PMPCB: variants seen among roughly 807,000 people sequenced by gnomAD.
The protein encoded by PMPCB is mitochondrial-processing peptidase subunit beta.
In PMPCB, 46 loss-of-function variants were observed where a neutral mutation model predicts 61.5. The ratio of observed to expected loss-of-function variants is 0.75; its 90% CI spans 0.59 to 0.96. PMPCB has a LOEUF of 0.96. Among genes scored for constraint, PMPCB ranks in the 40% least tolerant of loss-of-function variants. The pLI is 0.00. For missense variants in PMPCB, 590 were observed against 602.4 expected (o/e 0.98, Z 0.22); for synonymous variants, 191 against 201.6 (o/e 0.95, Z 0.44).
chr7:103,313,505 G>C lies in PMPCB; in HGVS notation c.*1234G>C. On this transcript the variant is annotated 3_prime_UTR_variant, in exon 13 of 13. Transcript: ENST00000249269. ...ACTTCCTTACAGAATAGGTAAAAGA[G>C]CTTCCTCACAGTTAAACTTTTGCTG... 1.0e-5 allele frequency: 10 copies of C among 984,948 alleles called. No homozygotes were observed. The highest frequency in any genetic ancestry group is 1.1e-5 in the Non-Finnish European group (9 of 829,540). The allele number at this position is 984,948 out of a possible 1,614,324, so 61.0% of individuals were successfully genotyped here. A position where few individuals can be genotyped will look rare whatever the true frequency, so the allele number is the denominator to read the frequency against.
intron 12 of PMPCB, chr7:103,323,761 C>T: frequency 2.1e-6 from 2 of 944,996 alleles, no homozygotes; most frequent in South Asian, 2.1e-5. Context: ...GATACCTTTC[C>T]TTCCCTTCTA....
chr7:103,313,048 G>A lies in PMPCB; in HGVS notation c.*777G>A. On this transcript the variant is annotated 3_prime_UTR_variant, in exon 13 of 13. Transcript: ENST00000249269. ...TTTACTGGGTATGTTTTCAAAGCTT[G>A]TTCCAAAAGCTTCTGTTCTTCTGTT... 1 of 1,613,890 alleles carries A rather than the reference G, an allele frequency of 6.2e-7. No individual in the cohort carries two copies. Among genetic ancestry groups the A allele is most frequent in the Non-Finnish European group, 8.5e-7 (1 of 1,179,918 alleles).
intron 12 of PMPCB, chr7:103,327,747 T>C: frequency 6.2e-7 from 1 of 1,610,268 alleles, no homozygotes; most frequent in South Asian, 1.1e-5. Flanking sequence ...TTAAAACCAT[T>C]GCTTTATCTA....
chr7:103,326,753 T>C (rs1404931838), intron 12 of PMPCB: 6 of 1,437,150 alleles, frequency 4.2e-6, no homozygotes, highest in Non-Finnish European at 5.6e-6. Flanking sequence ...AAAACAAGTA[T>C]TTCCCTCCTT....
At chr7:103,297,741 C>T (rs1336314318) in intron 1 of PMPCB, 183 bp downstream of exon 1, 2 of 1,534,042 alleles carry the variant, frequency 1.3e-6, no homozygotes, top group South Asian at 1.2e-5. Flanking sequence ...TGTGGCCACC[C>T]GCCAGGAGAC....
chr7:103,332,252 G>T (rs547847514), downstream of PMPCB, among the ~76,000 whole-genome samples: 1 of 152,124 alleles, frequency 6.6e-6, no homozygotes, highest in African/African-American at 2.4e-5. Flanking sequence ...TGATCCGCCC[G>T]CCTTGGCCTC....
intron 12 of PMPCB, chr7:103,319,938 G>A (rs1282324183): frequency 2.9e-6 from 4 of 1,376,262 alleles, no homozygotes; most frequent in Non-Finnish European, 2.0e-6. Flanking sequence ...GGGAGGCTGA[G>A]GCAGGAGAAT....
rs1369398382 is a variant in PMPCB, at chr7:103,304,436, G to T, written c.682G>T (p.Asp228Tyr). ...ATCTATAAGTCGTAAGGACTTAGTG[G>T]ATTATATAACCACACATTATAAGGG... is the stretch of plus-strand genomic sequence containing the variant. ...IKSISRKDLV[D>Y]YITTHYKGPR... is the part of the protein sequence containing the mutation. Residue 228 changes from aspartate (D) to tyrosine (Y), a missense_variant, in exon 6 of 13, where the codon GAT (aspartate) becomes TAT (tyrosine). By Grantham distance (160) the Asp-to-Tyr change is radical. Coordinates refer to ENST00000249269, the MANE Select transcript of PMPCB (RefSeq NM_004279.3). 1 of 1,603,770 alleles carries T rather than the reference G, an allele frequency of 6.2e-7. No homozygotes were observed. The highest frequency in any genetic ancestry group is 1.7e-5 in the Admixed American group (1 of 59,992).
chr7:103,326,461 C>T, intron 12 of PMPCB: 1 of 1,350,742 alleles, frequency 7.4e-7, no homozygotes, highest in Non-Finnish European at 1.0e-6. Flanking sequence ...AAACTATTAT[C>T]AGAGGGAAAG....
At chr7:103,344,684 G>A in the PMPCB span, 15 of 1,558,784 alleles carry the variant, frequency 9.6e-6, no homozygotes, top group Non-Finnish European at 2.6e-6. Context: ...GGGCGCTTAG[G>A]GTCCCCTCCA....
At chr7:103,303,641 G>T (rs1817505473) in intron 4 of PMPCB, among the ~76,000 whole-genome samples, 1 of 151,952 alleles carries the variant, frequency 6.6e-6, no homozygotes, top group Non-Finnish European at 1.5e-5. Flanking sequence ...TTTCCCCAAG[G>T]AAAAAATCTT....
chr7:103,342,308 C>CTTT, the PMPCB span, among the ~76,000 whole-genome samples: 1 of 143,104 alleles, frequency 7.0e-6, no homozygotes, highest in African/African-American at 2.5e-5. Context: ...TATTTTTTTA[C>CTTT]TTTTTTTTTT....
chr7:103,324,447 A>G lies in PMPCB; in HGVS notation c.*1432-4484A>G, dbSNP rs571657490. 23 of 1,431,612 alleles carry G rather than the reference A, an allele frequency of 1.6e-5. No individual in the cohort carries two copies. In the African/African-American group the frequency reaches 3.0e-4, roughly 18 times the overall value. The allele number at this position is 1,431,612 out of a possible 1,614,324, so 88.7% of individuals were successfully genotyped here. A position where few individuals can be genotyped will look rare whatever the true frequency, so the allele number is the denominator to read the frequency against. ...TTATTGAATACTTTTCCTTTTAAAAAATGACAGCATCATACAAACAGTATA... is the reference window on the plus strand; with the variant it reads ...TTATTGAATACTTTTCCTTTTAAAAGATGACAGCATCATACAAACAGTATA... On this transcript the variant is annotated intron_variant and NMD_transcript_variant, in intron 12 of 12. Coordinates refer to the PMPCB transcript ENST00000444457.
chr7:103,341,703 A>G, the PMPCB span: 1 of 1,347,778 alleles, frequency 7.4e-7, no homozygotes, highest in Non-Finnish European at 1.0e-6. Flanking sequence ...GAAAACTCAT[A>G]AGAAAATTGT....
In PMPCB at chr7:103,299,439, TA is replaced by T. The variant is rs775115018; in HGVS notation, c.241-2del. 1 of 1,567,554 alleles carries T rather than the reference TA, an allele frequency of 6.4e-7. No individual in the cohort carries two copies. ...TTATTTAATTGTTCTTTGATTGCAT[TA>T]AGGTTGGACTCTGGATTGATGCTGG... On this transcript the variant is annotated splice_polypyrimidine_tract_variant and splice_region_variant and intron_variant, in intron 2 of 12. Coordinates refer to ENST00000249269, the MANE Select transcript of PMPCB (RefSeq NM_004279.3).
chr7:103,311,701 A>G lies in PMPCB; in HGVS notation c.1213A>G (p.Lys405Glu). ...SEVARARNLL[K>E]TNMLLQLDGS... ...GGTTGCACGAGCCAGAAATCTTCTG[A>G]AAACAAACATGTTGTTGCAGCTTGA... is the stretch of plus-strand genomic sequence containing the variant. The change falls in exon 10 of 13, where the codon AAA becomes GAA. Residue 405 changes from lysine to glutamate, a missense_variant. Transcript: ENST00000249269. 6.2e-7 allele frequency: 1 copy of G among 1,614,022 alleles called. No homozygotes were observed. Among genetic ancestry groups the G allele is most frequent in the Non-Finnish European group, 8.5e-7 (1 of 1,179,872 alleles).
At chr7:103,320,760 CACAT>C in intron 12 of PMPCB, 2 of 89,314 alleles carry the variant, frequency 2.2e-5, no homozygotes, top group Non-Finnish European at 4.2e-5. Flanking sequence ...TATATATATA[CACAT>C]ATATATATAT....
intron 12 of PMPCB, among the ~76,000 whole-genome samples, chr7:103,328,539 A>T (rs1197717021): frequency 6.6e-6 from 1 of 152,036 alleles, no homozygotes; most frequent in African/African-American, 2.4e-5. Flanking sequence ...GCTCAGACAT[A>T]AGAATCGCTT....
In PMPCB at chr7:103,300,274, T is replaced by C. The variant is rs777191022; in HGVS notation, c.424T>C (p.Tyr142His). ...TACCTCCAGAGAGCAGACTGTATACTATGCCAAAGCATTCTCTAAAGACTT... is the reference window on the plus strand; with the variant it reads ...TACCTCCAGAGAGCAGACTGTATACCATGCCAAAGCATTCTCTAAAGACTT... ...AYTSREQTVYYAKAFSKDLPR... is the reference protein window; with the variant it reads ...AYTSREQTVYHAKAFSKDLPR... The change falls in exon 4 of 13, where the codon TAT (tyrosine) becomes CAT (histidine). Residue 142 changes from tyrosine (Y) to histidine (H), a missense_variant. Coordinates refer to ENST00000249269, the MANE Select transcript of PMPCB (RefSeq NM_004279.3). The C allele has an allele frequency of 6.2e-7, 1 of 1,610,184 alleles. No homozygotes were observed. The highest frequency in any genetic ancestry group is 8.5e-7 in the Non-Finnish European group (1 of 1,177,688).
Sources: allele counts gnomAD v4.1 joint callset (sites outside exome capture counted in the v4.1 genomes callset), GRCh38; gene constraint gnomAD v4.1.1; transcripts MANE v1.5; gene names NCBI Gene and HGNC (gene_info 2026-07-23, HGNC 2026-07-21).